Variants in NPIPB2 observed in about 807,000 individuals in gnomAD.
NPIPB2 encodes the protein nuclear pore complex interacting protein family member B2, also known as nuclear pore complex-interacting protein family member B2.
A neutral mutation model predicts 30.8 loss-of-function variants in NPIPB2; 27 were observed. That is an observed-to-expected ratio of 0.88 (90% CI 0.65 to 1.21). The LOEUF (loss-of-function observed/expected upper bound fraction) is 1.21. Ranked by LOEUF, NPIPB2 falls within the 50% of genes most tolerant of loss-of-function variation. The probability of loss-of-function intolerance (pLI) is 0.00; values close to 1 mark genes in which losing one functional copy is unlikely to be tolerated. For synonymous variants in NPIPB2, 147 were observed against 162.0 expected, an observed-to-expected ratio of 0.91 and a Z score of 0.70; for missense variants, 440 against 446.2, an observed-to-expected ratio of 0.99 and a Z score of 0.13.
In NPIPB2 at chr16:11,951,666, A is replaced by ACACCCCCC. The variant is rs1226047972; in HGVS notation, c.-583-9553_-583-9552insGGGGGGTG. Among the ~76,000 whole-genome samples, 26 of 138,960 alleles carry ACACCCCCC rather than the reference A, an allele frequency of 1.9e-4. No individual in the cohort carries two copies. The South Asian group carries it at 4.4e-3, about 23-fold the overall frequency. The allele number at this position is 138,960 out of a possible 152,430, so 91.2% of individuals were successfully genotyped here. ...CACACACACACACACACACACACAC[A>ACACCCCCC]CCCAGCCCCCAAACAACAAAATTCA... On this transcript the variant is annotated intron_variant, in intron 1 of 5. Transcript: ENST00000538896.
At chr16:11,966,331 TA>T in intron 1 of NPIPB2, 1 of 1,611,848 alleles carries the variant, frequency 6.2e-7, no homozygotes, top group Non-Finnish European at 8.5e-7. Flanking sequence ...AGGACGAGTT[TA>T]AAAACACAGG....
At chr16:11,967,768 C>G (rs755751031) in intron 1 of NPIPB2, 1 of 1,614,166 alleles carries the variant, frequency 6.2e-7, no homozygotes, top group Admixed American at 1.7e-5. Flanking sequence ...CTTGTCACCA[C>G]GAAAACGAAT....
chr16:11,962,025 T>C (rs1380514587), intron 1 of NPIPB2, among the ~76,000 whole-genome samples: 2 of 150,908 alleles, frequency 1.3e-5, no homozygotes, highest in Non-Finnish European at 3.0e-5. Flanking sequence ...CATGATGAAA[T>C]CTCATCTCTA....
chr16:11,952,587 C>T (rs1596501465), intron 1 of NPIPB2, among the ~76,000 whole-genome samples: 1 of 133,396 alleles, frequency 7.5e-6, no homozygotes, highest in African/African-American at 2.8e-5. Context: ...TTTTTTGAGA[C>T]AGAGTCTTGC....
Position 11,956,574 on chromosome 16 carries a change from G to A in NPIPB2, c.-583-14460C>T, listed in dbSNP as rs530173547. ...ACCTGTAGTCCTAGCTACTTAGGAG[G>A]CTGAGGCAGGAGAATCGCTTGAACT... On this transcript the variant is annotated intron_variant, in intron 1 of 5. Coordinates refer to the NPIPB2 transcript ENST00000538896. Among the ~76,000 whole-genome samples, 5 of 152,306 alleles carry A rather than the reference G, an allele frequency of 3.3e-5. 1 individual carries two copies. Among genetic ancestry groups the A allele is most frequent in the Admixed American group, 2.0e-4 (3 of 15,276 alleles).
chr16:11,959,020 G>T (rs970542765), intron 1 of NPIPB2, among the ~76,000 whole-genome samples: 3 of 152,222 alleles, frequency 2.0e-5, no homozygotes, highest in African/African-American at 7.2e-5. Context: ...GTTTGCCCCT[G>T]TATGGCTCTT....
chr16:11,963,254 C>T (rs868771096), intron 1 of NPIPB2, among the ~76,000 whole-genome samples: 9 of 152,062 alleles, frequency 5.9e-5, no homozygotes, highest in Middle Eastern at 3.4e-3. Flanking sequence ...GTGGCATGCA[C>T]CTGTCATCCC....
At chr16:11,948,209 T>C (rs925360554) in intron 1 of NPIPB2, among the ~76,000 whole-genome samples, 10 of 151,480 alleles carry the variant, frequency 6.6e-5, no homozygotes, top group African/African-American at 2.4e-4. Context: ...ACGGGGGAAG[T>C]TCCAGGTGAA....
exon 1 of NPIPB2, chr16:11,976,628 A>T: frequency 2.6e-6 from 1 of 384,468 alleles, no homozygotes; most frequent in East Asian, 4.1e-5. Context: ...GGCGACTTGG[A>T]TCTGCGCCGC....
intron 1 of NPIPB2, among the ~76,000 whole-genome samples, chr16:11,951,768 C>T (rs1252113344): frequency 2.0e-5 from 3 of 152,104 alleles, no homozygotes; most frequent in African/African-American, 7.2e-5. Context: ...TGGCTCACGC[C>T]TGTAATCCCA....
chr16:11,948,783 A>G (rs1199449088), intron 1 of NPIPB2, among the ~76,000 whole-genome samples: 6 of 135,086 alleles, frequency 4.4e-5, no homozygotes, highest in African/African-American at 1.2e-4. Flanking sequence ...AAAAAAAAAA[A>G]AAAAAAAAAA....
exon 8 of NPIPB2, chr16:11,927,789 G>A: frequency 6.4e-7 from 1 of 1,561,056 alleles, no homozygotes. Context: ...GGTGGCTGGT[G>A]GCCCATCCTG....
At chr16:11,945,128 G>A (rs1186090227), upstream of NPIPB2, among the ~76,000 whole-genome samples, 4 of 151,668 alleles carry the variant, frequency 2.6e-5, no homozygotes, top group Non-Finnish European at 2.9e-5. Context: ...CAGAGGTTGC[G>A]GTGGCCGAGA....
chr16:11,951,793 C>T (rs1304521758), intron 1 of NPIPB2, among the ~76,000 whole-genome samples: 4 of 151,142 alleles, frequency 2.6e-5, no homozygotes, highest in Admixed American at 1.3e-4. Flanking sequence ...TTTGGGAGGC[C>T]GAGGCGGGCG....
rs1428415943 is a variant in NPIPB2 at position 11,937,761 on chromosome 16, C to T, written c.64-93G>A. On this transcript the variant is annotated intron_variant, in intron 1 of 7. Coordinates refer to ENST00000399147, the Ensembl canonical transcript of NPIPB2. Reference sequence around the variant, plus strand: ...CATCCTTAGAAACCGTCAACCTCCTCCAAAAGGTAACCACATCCCTCAGAT... The same window carrying T: ...CATCCTTAGAAACCGTCAACCTCCTTCAAAAGGTAACCACATCCCTCAGAT... 7 of 1,483,960 alleles carry T rather than the reference C, an allele frequency of 4.7e-6. No homozygotes were observed. In the African/African-American group the frequency reaches 6.9e-5, roughly 15 times the overall value. The allele number at this position is 1,483,960 out of a possible 1,614,324, so 91.9% of individuals were successfully genotyped here.
chr16:11,935,668 C>T lies in NPIPB2; in HGVS notation c.193-1744G>A, dbSNP rs2054855766. 2.0e-5 allele frequency among the ~76,000 whole-genome samples: 3 copies of T among 150,434 alleles called. No homozygotes were observed. In the South Asian group the frequency reaches 6.3e-4, roughly 32 times the overall value. Reference sequence around the variant, plus strand: ...AATTTGTTTTTTCCTGATTTCTGCACATAGGATAAAAAAAAATCATGTACT... The same window carrying T: ...AATTTGTTTTTTCCTGATTTCTGCATATAGGATAAAAAAAAATCATGTACT... On this transcript the variant is annotated intron_variant, in intron 2 of 7. Coordinates refer to ENST00000399147, the Ensembl canonical transcript of NPIPB2.
intron 4 of NPIPB2, among the ~76,000 whole-genome samples, chr16:11,932,378 G>A (rs919988870): frequency 4.0e-5 from 6 of 149,532 alleles, no homozygotes; most frequent in African/African-American, 1.5e-4. Context: ...AACAATCCAG[G>A]CTGGGTGCGG....
At chr16:11,972,296 C>T (rs1041182587) in intron 1 of NPIPB2, among the ~76,000 whole-genome samples, 1 of 152,216 alleles carries the variant, frequency 6.6e-6, no homozygotes, top group Non-Finnish European at 1.5e-5. Flanking sequence ...CTGTTCTGGG[C>T]TGGATGCCGC....
intron 1 of NPIPB2, among the ~76,000 whole-genome samples, chr16:11,970,651 TCAGCCTCCCGTGTAACTGGGATTA>T (rs1208623676): frequency 6.6e-6 from 1 of 152,120 alleles, no homozygotes; most frequent in Non-Finnish European, 1.5e-5. Context: ...TTCTCCTGCC[TCAGCCTCCCGTGTAACTGGGATTA>T]CAGGCACCTG....
Sources: allele counts gnomAD v4.1 joint callset (sites outside exome capture counted in the v4.1 genomes callset), GRCh38; gene constraint gnomAD v4.1.1; transcripts MANE v1.5; gene names NCBI Gene and HGNC (gene_info 2026-07-23, HGNC 2026-07-21).